FKBP15: variants seen among roughly 807,000 people sequenced by gnomAD.
FKBP15 encodes the protein FK506-binding protein 15.
FKBP15 carries 106 observed loss-of-function variants against 158.1 expected under a neutral mutation model. That is an observed-to-expected ratio of 0.67 (90% confidence interval 0.57 to 0.79). FKBP15 has a LOEUF of 0.79. Among genes scored for constraint, FKBP15 ranks in the 30% least tolerant of loss-of-function variants. The probability of loss-of-function intolerance (pLI) is 0.00; values close to 1 mark genes in which losing one functional copy is unlikely to be tolerated. For missense variants in FKBP15, 1,287 were observed against 1,479.1 expected (o/e 0.87, Z 2.13); for synonymous variants, 547 against 548.6 (o/e 1.00, Z 0.04).
intron 26 of FKBP15, 107 bp from the exon 27 acceptor site, chr9:113,168,663 G>T (rs142723201): frequency 1.1e-6 from 1 of 912,608 alleles, no homozygotes; most frequent in African/African-American, 1.6e-5. Context: ...AACAGCGTTG[G>T]TGACTGCTCA....
rs1218502273 is a variant in FKBP15, at chr9:113,188,402, C to T, written c.1263G>A (p.Gln421=). ...SLHPAHPALP[Q]MTSQAPQPSV... is the part of the protein sequence containing the mutation. ...GAGGTTCCTTACCCTGTGAGGTCAT[C>T]TGTGGTAACGCTGGATGGGCCGGAT... Residue 421 remains glutamine, a synonymous_variant, in exon 13 of 28, where the codon CAG becomes CAA. Coordinates refer to ENST00000238256, the MANE Select transcript of FKBP15 (RefSeq NM_015258.2). 2 of 1,613,824 alleles carry T rather than the reference C, an allele frequency of 1.2e-6. No homozygotes were observed. The highest frequency in any genetic ancestry group is 4.5e-5 in the East Asian group (2 of 44,878).
chr9:113,202,493 T>G (rs1830811411), intron 6 of FKBP15, 38 bp downstream of exon 6: 1 of 1,406,188 alleles, frequency 7.1e-7, no homozygotes, highest in Non-Finnish European at 9.8e-7. Flanking sequence ...TCCAAACAAG[T>G]ATTTTGGCTT....
chr9:113,201,894 G>C (rs1470226445), intron 6 of FKBP15, among the ~76,000 whole-genome samples: 1 of 152,112 alleles, frequency 6.6e-6, no homozygotes, highest in African/African-American at 2.4e-5. Context: ...TTAAAGGACT[G>C]TATCTACTTA....
At chr9:113,218,451 T>C (rs1164363608) in intron 1 of FKBP15, among the ~76,000 whole-genome samples, 1 of 150,050 alleles carries the variant, frequency 6.7e-6, no homozygotes, top group East Asian at 2.0e-4. Flanking sequence ...TAGGTAAAAT[T>C]ATTTCATAGA....
chr9:113,200,644 T>C (rs1830770785), intron 6 of FKBP15, among the ~76,000 whole-genome samples: 1 of 152,146 alleles, frequency 6.6e-6, no homozygotes, highest in Admixed American at 6.5e-5. Flanking sequence ...TCAAAAGCAA[T>C]ATAGTATGAA....
rs1044727171 is a variant in FKBP15 at position 113,163,874 on chromosome 9, G to A, written c.*2204C>T. On this transcript the variant is annotated 3_prime_UTR_variant, in exon 28 of 28. Coordinates refer to ENST00000238256, the MANE Select transcript of FKBP15 (RefSeq NM_015258.2). ...CTTACTGCTTACTCGTAATGATCTA[G>A]TGGGGAAACATGATTCATTCACTTA... The A allele has an allele frequency of 7.3e-5, 11 of 151,554 alleles. No homozygotes were observed. Among genetic ancestry groups the A allele is most frequent in the Non-Finnish European group, 1.2e-4 (8 of 67,934 alleles). The allele number at this position is 151,554 out of a possible 1,614,324, so 9.4% of individuals were successfully genotyped here.
At position 113,221,186 on chromosome 9, in the gene FKBP15, C is replaced by G. The variant is rs755760185; in HGVS notation, c.53+5G>C. ...CCCTCCAGCGCATACTTCTCAGTCA[C>G]TCACCCGCCGCTCGGCGAGAGGAAA... On this transcript the variant is annotated splice_donor_5th_base_variant and intron_variant, in intron 1 of 27. Transcript: ENST00000238256. The G allele has an allele frequency of 6.2e-7, 1 of 1,604,572 alleles. No individual in the cohort carries two copies. The highest frequency in any genetic ancestry group is 8.5e-7 in the Non-Finnish European group (1 of 1,175,300).
chr9:113,198,983 G>T lies in FKBP15; in HGVS notation c.649-60C>A. 2.7e-6 allele frequency: 3 copies of T among 1,113,934 alleles called. No homozygotes were observed. The highest frequency in any genetic ancestry group is 2.7e-6 in the Non-Finnish European group (2 of 748,134). 69.0% of individuals were successfully genotyped at this position (1,113,934 alleles called of 1,614,324 possible). A position where few individuals can be genotyped will look rare whatever the true frequency, so the allele number is the denominator to read the frequency against. On this transcript the variant is annotated intron_variant, in intron 7 of 27. Coordinates refer to ENST00000238256, the MANE Select transcript of FKBP15 (RefSeq NM_015258.2). The surrounding 1 kb of genome is among the most constrained non-coding windows in gnomAD (Gnocchi z 5.2). ...TTTCAAAAATAATAATAACCATTAT[G>T]ATATTCAACTAACTACATACCAGCA... is the stretch of plus-strand genomic sequence containing the variant.
rs1830048055 is a variant in FKBP15 at position 113,163,367 on chromosome 9, T to C, written c.*2711A>G. 1 of 153,502 alleles carries C rather than the reference T, an allele frequency of 6.5e-6. No individual in the cohort carries two copies. Among genetic ancestry groups the C allele is most frequent in the Admixed American group, 6.5e-5 (1 of 15,316 alleles). The allele number at this position is 153,502 out of a possible 1,614,324, so 9.5% of individuals were successfully genotyped here. A position where few individuals can be genotyped will look rare whatever the true frequency, so the allele number is the denominator to read the frequency against. On this transcript the variant is annotated 3_prime_UTR_variant, in exon 28 of 28. Coordinates refer to ENST00000238256, the MANE Select transcript of FKBP15 (RefSeq NM_015258.2). ...GCCCATTGGACTTCCTGACCTCTTCTGTCTTTGAGGGACAGAGACCAAGCT... is the reference window on the plus strand; with the variant it reads ...GCCCATTGGACTTCCTGACCTCTTCCGTCTTTGAGGGACAGAGACCAAGCT...
In FKBP15 at chr9:113,165,048, G is replaced by GT. The variant is rs980506483; in HGVS notation, c.*1029dup. The GT allele has an allele frequency of 3.0e-4, 44 of 148,912 alleles. No individual in the cohort carries two copies. The highest frequency in any genetic ancestry group is 3.4e-3 in the Middle Eastern group (1 of 294). 9.2% of individuals were successfully genotyped at this position (148,912 alleles called of 1,614,324 possible). A position where few individuals can be genotyped will look rare whatever the true frequency, so the allele number is the denominator to read the frequency against. On this transcript the variant is annotated 3_prime_UTR_variant, in exon 28 of 28. Transcript: ENST00000238256. Reference sequence around the variant, plus strand: ...ATTTTTTATTAAAATTAATTATTCTGTTTTTTTAAAGACTGATTGCATAAT... The same window carrying GT: ...ATTTTTTATTAAAATTAATTATTCTGTTTTTTTTAAAGACTGATTGCATAAT...
At chr9:113,202,491 A>C (rs774656248) in intron 6 of FKBP15, 40 bp downstream of exon 6, 2 of 1,397,298 alleles carry the variant, frequency 1.4e-6, no homozygotes, top group African/African-American at 1.4e-5. Flanking sequence ...AATCCAAACA[A>C]GTATTTTGGC....
chr9:113,199,370 G>A (rs1473455021), intron 7 of FKBP15, among the ~76,000 whole-genome samples: 1 of 152,052 alleles, frequency 6.6e-6, no homozygotes, highest in Non-Finnish European at 1.5e-5. Flanking sequence ...ATAGTCTAAA[G>A]GTCTTTCTCT....
Position 113,161,461 on chromosome 9 carries a change from A to C in FKBP15, c.*4617T>G. 1 of 1,567,864 alleles carries C rather than the reference A, an allele frequency of 6.4e-7. No individual in the cohort carries two copies. The highest frequency in any genetic ancestry group is 8.7e-7 in the Non-Finnish European group (1 of 1,143,494). ...GAACAGGTGGAGGTGCTGGAAGGGA[A>C]ACAGTGCTGGCCTGGCCAGGTCTCC... On this transcript the variant is annotated 3_prime_UTR_variant, in exon 28 of 28. Coordinates refer to ENST00000238256, the MANE Select transcript of FKBP15 (RefSeq NM_015258.2).
At position 113,176,621 on chromosome 9, in the gene FKBP15, C is replaced by A. The variant is rs1241745542; in HGVS notation, c.2139G>T (p.Gln713His). 6.2e-7 allele frequency: 1 copy of A among 1,603,114 alleles called. No individual in the cohort carries two copies. Residue 713 changes from glutamine to histidine, a missense_variant, in exon 21 of 28, where the codon CAG becomes CAT. Gln to His is a conservative substitution (Grantham distance 24). Coordinates refer to ENST00000238256, the MANE Select transcript of FKBP15 (RefSeq NM_015258.2). ...CCTTGAGTTCCAGTTGTTTCCGGTTCTGCTTTTCACTTTTGAATTTGGACT... is the reference window on the plus strand; with the variant it reads ...CCTTGAGTTCCAGTTGTTTCCGGTTATGCTTTTCACTTTTGAATTTGGACT... ...QAQSKFKSEK[Q>H]NRKQLELKVT...
intron 11 of FKBP15, among the ~76,000 whole-genome samples, chr9:113,192,625 A>T (rs1365529454): frequency 6.6e-6 from 1 of 152,228 alleles, no homozygotes; most frequent in Non-Finnish European, 1.5e-5. Flanking sequence ...TGTGAGAATG[A>T]AAGTATAAAG....
At chr9:113,206,370 G>C (rs1397344259) in intron 4 of FKBP15, 139 bp downstream of exon 4, 3 of 643,188 alleles carry the variant, frequency 4.7e-6, no homozygotes, top group Non-Finnish European at 8.2e-6. Context: ...CTATATGCTT[G>C]ATGTTATAAA....
At position 113,203,042 on chromosome 9, in the gene FKBP15, A is replaced by G; in HGVS notation, c.325-7T>C. 6.3e-7 allele frequency: 1 copy of G among 1,576,858 alleles called. No individual in the cohort carries two copies. Among genetic ancestry groups the G allele is most frequent in the Non-Finnish European group, 8.6e-7 (1 of 1,160,414 alleles). ...TATAAAGAAGAATCCTATACTGTAG[A>G]CAAGCAACGACAGATAGAAAAAAAA... On this transcript the variant is annotated splice_region_variant and splice_polypyrimidine_tract_variant and intron_variant, in intron 4 of 27. Transcript: ENST00000238256.
At chr9:113,205,994 T>C (rs1463744732) in intron 4 of FKBP15, 1 of 152,724 alleles carries the variant, frequency 6.5e-6, no homozygotes, top group East Asian at 1.9e-4. Flanking sequence ...AGAAGAGATT[T>C]GACCTTATGG....
rs1830084756 is a variant in FKBP15, at chr9:113,165,570, C to T, written c.*508G>A. 1 of 152,250 alleles carries T rather than the reference C, an allele frequency of 6.6e-6. No individual in the cohort carries two copies. The highest frequency in any genetic ancestry group is 1.5e-5 in the Non-Finnish European group (1 of 68,132). 9.4% of individuals were successfully genotyped at this position (152,250 alleles called of 1,614,324 possible). ...TAGTTTTATTTTCAAAGTCATTGACCTCTTGTATCAGATTTAAGGCAAAGA... is the reference window on the plus strand; with the variant it reads ...TAGTTTTATTTTCAAAGTCATTGACTTCTTGTATCAGATTTAAGGCAAAGA... On this transcript the variant is annotated 3_prime_UTR_variant, in exon 28 of 28. Coordinates refer to ENST00000238256, the MANE Select transcript of FKBP15 (RefSeq NM_015258.2).
Sources: gnomAD v4.1 joint callset for allele counts (sites outside exome capture counted in the v4.1 genomes callset) on GRCh38, gnomAD v4.1.1 for gene constraint, Gnocchi (gnomAD v3.1) non-coding constraint, MANE v1.5 for transcripts, NCBI Gene and HGNC (gene_info 2026-07-23, HGNC 2026-07-21) for gene names.